SYNDIG1L: variants seen among roughly 807,000 people sequenced by gnomAD.
SYNDIG1L encodes synapse differentiation-inducing gene protein 1-like.
Under a neutral mutation model 20.1 loss-of-function variants are expected in SYNDIG1L, and 13 were observed. The ratio of observed to expected loss-of-function variants is 0.65; its 90% CI spans 0.42 to 1.03. The LOEUF (loss-of-function observed/expected upper bound fraction) is 1.03, where lower values mean the gene tolerates loss of function less well. SYNDIG1L is among the 50% of genes least tolerant of loss of function. SYNDIG1L has a pLI of 0.00. For synonymous variants in SYNDIG1L, 128 were observed against 129.3 expected (o/e 0.99, Z 0.07); for missense variants, 294 against 305.1 (o/e 0.96, Z 0.27).
rs549776306 is a variant in SYNDIG1L, at chr14:74,425,998, T to G, written c.-144A>C. ...GAGCGACGGCGCCCCCGCCTCGCGG[T>G]CGCGGTGGAACTCCCAGGAGGGCTC... On this transcript the variant is annotated 5_prime_UTR_variant, in exon 1 of 4. Coordinates refer to ENST00000331628, the MANE Select transcript of SYNDIG1L (RefSeq NM_001105579.2). 6.6e-6 allele frequency: 1 copy of G among 152,274 alleles called. No homozygotes were observed. Among genetic ancestry groups the G allele is most frequent in the South Asian group, 1.8e-4 (1 of 5,544 alleles). The allele number at this position is 152,274 out of a possible 1,614,324, so 9.4% of individuals were successfully genotyped here. A position where few individuals can be genotyped will look rare whatever the true frequency, so the allele number is the denominator to read the frequency against.
the SYNDIG1L span, chr14:74,471,927 G>T: frequency 6.6e-6 from 1 of 151,874 alleles, no homozygotes; most frequent in Non-Finnish European, 1.5e-5. Flanking sequence ...AATCTCAGAT[G>T]AATTTTTGTA....
chr14:74,475,955 T>C, the SYNDIG1L span, among the ~76,000 whole-genome samples: 1 of 152,232 alleles, frequency 6.6e-6, no homozygotes, highest in Non-Finnish European at 1.5e-5. Flanking sequence ...CCCTTCAATT[T>C]GTACATTACA....
At position 74,407,899 on chromosome 14, in the gene SYNDIG1L, G is replaced by A; in HGVS notation, c.508C>T (p.Leu170Phe). Residue 170 changes from leucine (L) to phenylalanine (F), a missense_variant, in exon 3 of 4, where the codon CTC becomes TTC. Physicochemically the swap from Leu to Phe is conservative, Grantham distance 22 (BLOSUM62 0). Transcript: ENST00000331628. ...ATGCCCAGTGGCCAGAAGCAGCAGAGCATGGAGAAGAGAGTAAGTCCCAGG... is the reference window on the plus strand; with the variant it reads ...ATGCCCAGTGGCCAGAAGCAGCAGAACATGGAGAAGAGAGTAAGTCCCAGG... Reference protein sequence around the residue: ...DHLGLTLFSMLCCFWPLGIAA... With the variant: ...DHLGLTLFSMFCCFWPLGIAA... 1 of 1,613,898 alleles carries A rather than the reference G, an allele frequency of 6.2e-7. No individual in the cohort carries two copies. Among genetic ancestry groups the A allele is most frequent in the Non-Finnish European group, 8.5e-7 (1 of 1,179,914 alleles).
At chr14:74,473,115 C>T in the SYNDIG1L span, among the ~76,000 whole-genome samples, 1 of 152,156 alleles carries the variant, frequency 6.6e-6, no homozygotes, top group Non-Finnish European at 1.5e-5. Flanking sequence ...GGCGCGGTGG[C>T]TCATGCTTGT....
intron 1 of SYNDIG1L, among the ~76,000 whole-genome samples, chr14:74,422,659 A>ACACACACACACAC (rs1254029618): frequency 6.6e-6 from 1 of 150,386 alleles, no homozygotes; most frequent in Non-Finnish European, 1.5e-5. Flanking sequence ...CTCTTCACAC[A>ACACACACACACAC]CACACACACA....
chr14:74,434,840 G>A, the SYNDIG1L span, among the ~76,000 whole-genome samples: 1 of 151,696 alleles, frequency 6.6e-6, no homozygotes, highest in East Asian at 1.9e-4. Context: ...CCAGCACTTT[G>A]GGAGGCCGAG....
At chr14:74,435,971 A>C in the SYNDIG1L span, among the ~76,000 whole-genome samples, 1 of 152,316 alleles carries the variant, frequency 6.6e-6, no homozygotes, top group Admixed American at 6.5e-5. Flanking sequence ...ACTTGGCTAC[A>C]GTTCTGATAG....
the SYNDIG1L span, among the ~76,000 whole-genome samples, chr14:74,440,263 C>T: frequency 1.2e-4 from 18 of 151,576 alleles, no homozygotes; most frequent in Non-Finnish European, 2.1e-4. Flanking sequence ...CACCTGTAAC[C>T]CCAGCACTCT....
At chr14:74,432,677 GA>G in the SYNDIG1L span, among the ~76,000 whole-genome samples, 1 of 152,166 alleles carries the variant, frequency 6.6e-6, no homozygotes, top group Non-Finnish European at 1.5e-5. Flanking sequence ...CCAACATAGT[GA>G]AATCCTGATT....
At chr14:74,417,933 C>T (rs1020286037) in intron 1 of SYNDIG1L, among the ~76,000 whole-genome samples, 3 of 152,102 alleles carry the variant, frequency 2.0e-5, no homozygotes, top group Non-Finnish European at 4.4e-5. Flanking sequence ...AAATAAATAC[C>T]GAGCCTTTGT....
the SYNDIG1L span, among the ~76,000 whole-genome samples, chr14:74,461,800 G>A: frequency 1.3e-4 from 20 of 149,336 alleles, no homozygotes; most frequent in Non-Finnish European, 2.8e-4. Context: ...AATAAACAAG[G>A]CCGGGTGCAG....
chr14:74,439,568 A>C, the SYNDIG1L span, among the ~76,000 whole-genome samples: 7 of 152,176 alleles, frequency 4.6e-5, no homozygotes, highest in African/African-American at 1.7e-4. Flanking sequence ...CATTTACAAT[A>C]TATTGTTCAG....
the SYNDIG1L span, among the ~76,000 whole-genome samples, chr14:74,473,196 G>C: frequency 1.3e-5 from 2 of 152,012 alleles, no homozygotes; most frequent in Non-Finnish European, 2.9e-5. Context: ...GACTAGCCTG[G>C]CCAATATAGT....
the SYNDIG1L span, among the ~76,000 whole-genome samples, chr14:74,448,689 A>G: frequency 6.6e-6 from 1 of 152,228 alleles, no homozygotes; most frequent in Non-Finnish European, 1.5e-5. Flanking sequence ...GTGTTCTCTG[A>G]TCATAATGGA....
the SYNDIG1L span, among the ~76,000 whole-genome samples, chr14:74,440,148 T>C: frequency 2.7e-5 from 4 of 148,684 alleles, no homozygotes; most frequent in Non-Finnish European, 6.0e-5. Context: ...GGGAGGCCGA[T>C]GCGGGCAGAT....
At chr14:74,445,074 A>C in the SYNDIG1L span, among the ~76,000 whole-genome samples, 13 of 152,280 alleles carry the variant, frequency 8.5e-5, no homozygotes, top group African/African-American at 3.1e-4. Context: ...AATGAATGGC[A>C]TGCCACAGTC....
chr14:74,410,397 G>C (rs1301710414), intron 1 of SYNDIG1L, among the ~76,000 whole-genome samples: 10 of 152,200 alleles, frequency 6.6e-5, no homozygotes. Context: ...GGCAGGTGTG[G>C]TGCAGGGCAC....
chr14:74,430,337 G>T (rs1001068593), upstream of SYNDIG1L, among the ~76,000 whole-genome samples: 1 of 152,314 alleles, frequency 6.6e-6, no homozygotes, highest in Middle Eastern at 3.4e-3. Flanking sequence ...TGTGTGAGAG[G>T]TTGGGGGTGC....
chr14:74,455,915 G>T, the SYNDIG1L span, among the ~76,000 whole-genome samples: 1 of 152,236 alleles, frequency 6.6e-6, no homozygotes, highest in African/African-American at 2.4e-5. Context: ...AGAGAGATGA[G>T]ACTCCTTTCA....
Sources: allele counts gnomAD v4.1 joint callset (sites outside exome capture counted in the v4.1 genomes callset), GRCh38; gene constraint gnomAD v4.1.1; transcripts MANE v1.5; gene names NCBI Gene and HGNC (gene_info 2026-07-23, HGNC 2026-07-21).